Variants in RBMS1 observed in about 807,000 individuals in gnomAD.
RBMS1 encodes RNA-binding motif, single-stranded-interacting protein 1.
Under a neutral mutation model 62.3 loss-of-function variants are expected in RBMS1, and 17 were observed. The observed-to-expected ratio is 0.27, with a 90% CI of 0.19 to 0.41. RBMS1 has a LOEUF of 0.41. Among genes scored for constraint, RBMS1 ranks in the 10% least tolerant of loss-of-function variants. RBMS1 has a pLI of 1.00. For missense variants in RBMS1, 334 were observed against 504.5 expected (o/e 0.66, Z 3.24); for synonymous variants, 172 against 170.0 (o/e 1.01, Z -0.09).
intron 1 of RBMS1, among the ~76,000 whole-genome samples, chr2:160,472,546 T>C (rs1684965314): frequency 6.6e-6 from 1 of 152,214 alleles, no homozygotes; most frequent in African/African-American, 2.4e-5. Flanking sequence ...GATAATATTG[T>C]TGCCTCTTTG....
rs1687698230 is a variant in RBMS1, at chr2:160,273,978, T to C, written c.*794A>G. ...ACTACCTTACACATTATGTGAAAAA[T>C]CATTAAAAACACCTACTACATATTT... On this transcript the variant is annotated 3_prime_UTR_variant, in exon 14 of 14. Coordinates refer to ENST00000348849, the MANE Select transcript of RBMS1 (RefSeq NM_016836.4). 6.6e-6 allele frequency: 1 copy of C among 152,616 alleles called. No homozygotes were observed. The highest frequency in any genetic ancestry group is 2.1e-4 in the South Asian group (1 of 4,828). 9.5% of individuals were successfully genotyped at this position (152,616 alleles called of 1,614,324 possible).
intron 1 of RBMS1, among the ~76,000 whole-genome samples, chr2:160,470,717 T>C (rs1015028772): frequency 6.6e-6 from 1 of 152,180 alleles, no homozygotes; most frequent in Non-Finnish European, 1.5e-5. Flanking sequence ...CTGTTTACTA[T>C]ATTCTATTTC....
At chr2:160,441,468 A>C (rs1263688756) in intron 1 of RBMS1, among the ~76,000 whole-genome samples, 13 of 152,250 alleles carry the variant, frequency 8.5e-5, no homozygotes, top group Non-Finnish European at 2.9e-5. Context: ...TCACACCTGT[A>C]ATCTCAGCAC....
chr2:160,357,214 G>A (rs144282288), intron 2 of RBMS1, among the ~76,000 whole-genome samples: 1 of 152,074 alleles, frequency 6.6e-6, no homozygotes, highest in Admixed American at 6.6e-5. Flanking sequence ...AGGAAAGGGT[G>A]ATTTTTAAAA....
At chr2:160,407,633 C>T (rs1401674536) in intron 1 of RBMS1, 3 of 981,754 alleles carry the variant, frequency 3.1e-6, no homozygotes, top group Non-Finnish European at 2.4e-6. Flanking sequence ...GGCCCGGGGC[C>T]GCGGCAGCTC....
chr2:160,431,438 A>G (rs569934708), intron 1 of RBMS1, among the ~76,000 whole-genome samples: 1 of 152,172 alleles, frequency 6.6e-6, no homozygotes, highest in East Asian at 2.0e-4. Flanking sequence ...AATGAGAACA[A>G]TAAGTATAAA....
chr2:160,469,590 C>T (rs988576013), intron 1 of RBMS1, among the ~76,000 whole-genome samples: 1 of 152,230 alleles, frequency 6.6e-6, no homozygotes, highest in Non-Finnish European at 1.5e-5. Flanking sequence ...CACCTCTCCA[C>T]AGACCCTTTT....
chr2:160,392,360 T>A (rs1694908003), intron 1 of RBMS1, among the ~76,000 whole-genome samples: 1 of 152,184 alleles, frequency 6.6e-6, no homozygotes, highest in Non-Finnish European at 1.5e-5. Flanking sequence ...TGTTTATATA[T>A]TATCTATGGC....
intron 6 of RBMS1, among the ~76,000 whole-genome samples, chr2:160,293,800 C>G (rs1010147476): frequency 1.3e-5 from 2 of 152,156 alleles, no homozygotes; most frequent in Admixed American, 6.5e-5. Context: ...GTACTCTCTT[C>G]CAGGAAGGTC....
intron 1 of RBMS1, among the ~76,000 whole-genome samples, chr2:160,481,623 G>A (rs993590268): frequency 6.6e-6 from 1 of 152,028 alleles, no homozygotes; most frequent in African/African-American, 2.4e-5. Flanking sequence ...TTTAAAAAGT[G>A]AACAAAAAGT....
intron 1 of RBMS1, among the ~76,000 whole-genome samples, chr2:160,404,543 TA>T (rs1044609647): frequency 6.6e-6 from 1 of 152,232 alleles, no homozygotes; most frequent in African/African-American, 2.4e-5. Flanking sequence ...GTATTATAAG[TA>T]ATCTAGAGAT....
intron 1 of RBMS1, among the ~76,000 whole-genome samples, chr2:160,393,305 AC>A (rs2105216074): frequency 6.6e-6 from 1 of 152,346 alleles, no homozygotes; most frequent in South Asian, 2.1e-4. Flanking sequence ...CTCTTATGGC[AC>A]TAATTTCTAA....
At chr2:160,414,219 T>C (rs1696132893) in intron 1 of RBMS1, among the ~76,000 whole-genome samples, 1 of 152,242 alleles carries the variant, frequency 6.6e-6, no homozygotes, top group Non-Finnish European at 1.5e-5. Context: ...TACAGGTATA[T>C]ATATTCAGCC....
intron 2 of RBMS1, among the ~76,000 whole-genome samples, chr2:160,338,926 A>T (rs891026000): frequency 6.6e-6 from 1 of 152,188 alleles, no homozygotes; most frequent in Non-Finnish European, 1.5e-5. Flanking sequence ...GGAGCTTTAC[A>T]TATGTTACCT....
intron 1 of RBMS1, among the ~76,000 whole-genome samples, chr2:160,467,976 AG>A (rs1030730266): frequency 4.6e-5 from 7 of 152,176 alleles, no homozygotes; most frequent in Non-Finnish European, 1.0e-4. Context: ...AACCTCAAGC[AG>A]GTAATTTAAT....
intron 2 of RBMS1, among the ~76,000 whole-genome samples, chr2:160,366,509 C>T (rs189495534): frequency 8.5e-4 from 130 of 152,344 alleles, no homozygotes; most frequent in Admixed American, 2.5e-3. Context: ...ATGATCTTTG[C>T]ACTATACAGT....
chr2:160,320,795 T>C (rs1356300751), intron 2 of RBMS1, among the ~76,000 whole-genome samples: 1 of 152,116 alleles, frequency 6.6e-6, no homozygotes, highest in Non-Finnish European at 1.5e-5. Context: ...ACCTTTTCTT[T>C]TAACAAACTA....
intron 1 of RBMS1, among the ~76,000 whole-genome samples, chr2:160,380,446 A>C (rs1349103275): frequency 6.6e-6 from 1 of 152,250 alleles, no homozygotes; most frequent in Non-Finnish European, 1.5e-5. Flanking sequence ...AAAGCGAAGT[A>C]AACAGAAAAA....
chr2:160,471,691 G>GTGCGTATATATATATATATATA (rs1275928756), intron 1 of RBMS1, among the ~76,000 whole-genome samples: 1 of 65,950 alleles, frequency 1.5e-5, no homozygotes, highest in African/African-American at 4.9e-5. Context: ...ATCCTTTGGT[G>GTGCGTATATATATATATATATA]TATATATATA....
Sources: allele counts gnomAD v4.1 joint callset (sites outside exome capture counted in the v4.1 genomes callset), GRCh38; gene constraint gnomAD v4.1.1; transcripts MANE v1.5; gene names NCBI Gene and HGNC (gene_info 2026-07-23, HGNC 2026-07-21).